Variants in FGD3 observed in about 807,000 individuals in gnomAD.
FGD3 encodes FYVE, RhoGEF and PH domain-containing protein 3.
A neutral mutation model predicts 71.8 loss-of-function variants in FGD3; 45 were observed. The ratio of observed to expected loss-of-function variants is 0.63; its 90% confidence interval spans 0.49 to 0.80. The LOEUF (loss-of-function observed/expected upper bound fraction) is 0.80, where lower values mean the gene tolerates loss of function less well. Among genes scored for constraint, FGD3 ranks in the 30% least tolerant of loss-of-function variants. The pLI, the probability that FGD3 is intolerant of heterozygous loss-of-function variation, is 0.00. For missense variants in FGD3, 844 were observed against 951.5 expected (o/e 0.89, Z 1.49); for synonymous variants, 378 against 392.8 (o/e 0.96, Z 0.44).
At chr9:93,032,635 C>T (rs1862397654) in intron 15 of FGD3, 134 bp from the exon 16 acceptor site, 2 of 841,786 alleles carry the variant, frequency 2.4e-6, no homozygotes, top group Non-Finnish European at 3.9e-6. Context: ...AGCTCTTATC[C>T]CTCGCCACAC....
chr9:93,026,338 C>T (rs991693845), intron 14 of FGD3, among the ~76,000 whole-genome samples: 1 of 152,174 alleles, frequency 6.6e-6, no homozygotes, highest in African/African-American at 2.4e-5. Context: ...CCTGAGCTCC[C>T]TTTTTTGGGT....
chr9:93,020,373 T>C lies in FGD3; in HGVS notation c.1443T>C (p.Phe481=), dbSNP rs188283556. 1.3e-4 allele frequency: 209 copies of C among 1,613,278 alleles called. 1 individual carries two copies. In the African/African-American group the frequency reaches 2.6e-3, roughly 20 times the overall value. The change falls in exon 13 of 18, where the codon TTT becomes TTC. Residue 481 remains phenylalanine, a synonymous_variant. Transcript: ENST00000375482. ...AGAACAGCGAAACCTTCAAGGCTTTTGGTGGCGCCTTCAGCCAGGATGAGG... is the reference window on the plus strand; with the variant it reads ...AGAACAGCGAAACCTTCAAGGCTTTCGGTGGCGCCTTCAGCCAGGATGAGG... ...HKQNSETFKA[F]GGAFSQDEDP... is the part of the protein sequence containing the mutation.
At chr9:92,982,950 G>A (rs1486099651) in intron 3 of FGD3, among the ~76,000 whole-genome samples, 1 of 152,094 alleles carries the variant, frequency 6.6e-6, no homozygotes, top group Non-Finnish European at 1.5e-5. Flanking sequence ...GCTGGGCATG[G>A]TGGTGCTTGC....
At chr9:92,981,742 A>G (rs953463331) in intron 3 of FGD3, among the ~76,000 whole-genome samples, 5 of 152,190 alleles carry the variant, frequency 3.3e-5, no homozygotes, top group Admixed American at 1.3e-4. Context: ...ATAAATATTT[A>G]TAACTGTCAC....
intron 8 of FGD3, among the ~76,000 whole-genome samples, chr9:93,013,364 C>A (rs551731872): frequency 6.6e-6 from 1 of 152,220 alleles, no homozygotes; most frequent in African/African-American, 2.4e-5. Flanking sequence ...GCTACACTGG[C>A]GTCTGGCTCA....
At chr9:93,012,697 G>GGGGT (rs1861474066) in intron 8 of FGD3, among the ~76,000 whole-genome samples, 2 of 136,664 alleles carry the variant, frequency 1.5e-5, no homozygotes, top group African/African-American at 3.0e-5. Flanking sequence ...CGGGGTGTGG[G>GGGGT]GGGGGGAAGA....
At chr9:93,030,719 A>AG (rs113582020) in intron 15 of FGD3, among the ~76,000 whole-genome samples, 553 of 6,636 alleles carry the variant, frequency 0.083, 3 homozygotes, top group Non-Finnish European at 0.12. Flanking sequence ...GGGGGGCAGC[A>AG]GGGGGGGGGG....
Position 92,997,998 on chromosome 9 carries a change from G to A in FGD3, c.454-4927G>A, listed in dbSNP as rs977251341. On this transcript the variant is annotated intron_variant, in intron 3 of 17. Coordinates refer to ENST00000375482, the MANE Select transcript of FGD3 (RefSeq NM_001083536.2). ...CTTTGTGGCATTCTCTGTATTTCCT[G>A]AATTTGAATGTTGGCCTGCCTCACT... Among the ~76,000 whole-genome samples the A allele has an allele frequency of 1.0e-3, 153 of 152,102 alleles. 11 individuals are homozygous for A. The highest frequency in any genetic ancestry group is 8.8e-5 in the Non-Finnish European group (6 of 68,026).
At chr9:93,020,757 TG>T (rs1476416024) in intron 13 of FGD3, among the ~76,000 whole-genome samples, 1 of 152,172 alleles carries the variant, frequency 6.6e-6, no homozygotes, top group African/African-American at 2.4e-5. Flanking sequence ...CAGAAACAGC[TG>T]GGTTGGTTAC....
chr9:93,013,876 G>T lies in FGD3; in HGVS notation c.1060G>T (p.Val354Leu). The change falls in exon 9 of 18, where the codon GTG (valine) becomes TTG (leucine). Residue 354 changes from valine (V) to leucine (L), a missense_variant. Val to Leu is a conservative substitution (Grantham distance 32). Coordinates refer to ENST00000375482, the MANE Select transcript of FGD3 (RefSeq NM_001083536.2). ...KVEKMHKLLEVYEQLGGEEDI... is the reference protein window; with the variant it reads ...KVEKMHKLLELYEQLGGEEDI... ...GGAGAAAATGCACAAGCTCTTGGAG[G>T]TGTACGAGCAGCTGGGTGGGGAAGA... 1 of 1,612,836 alleles carries T rather than the reference G, an allele frequency of 6.2e-7. No individual in the cohort carries two copies. Among genetic ancestry groups the T allele is most frequent in the South Asian group, 1.1e-5 (1 of 90,692 alleles).
rs869235976 is a variant in FGD3, at chr9:93,028,995, G to GTTTTT, written c.1558-841_1558-837dup. Among the ~76,000 whole-genome samples, 101 of 51,748 alleles carry GTTTTT rather than the reference G, an allele frequency of 2.0e-3. 24 individuals carry two copies. The highest frequency in any genetic ancestry group is 3.0e-3 in the Non-Finnish European group (82 of 27,378). The allele number at this position is 51,748 out of a possible 152,430, so 33.9% of individuals were successfully genotyped here. ...CATGGCTTCCTCACATGTCCTCACA[G>GTTTTT]TTTTTTTTTTTTTTTTTTTTTTTTT... On this transcript the variant is annotated intron_variant, in intron 14 of 17. Transcript: ENST00000375482.
intron 3 of FGD3, among the ~76,000 whole-genome samples, chr9:92,982,798 C>T (rs1259355763): frequency 6.6e-6 from 1 of 152,128 alleles, no homozygotes; most frequent in African/African-American, 2.4e-5. Flanking sequence ...ATAAAAACCA[C>T]CTTTTGGCCA....
chr9:92,960,560 C>A (rs1425614365), intron 1 of FGD3, among the ~76,000 whole-genome samples: 2 of 152,152 alleles, frequency 1.3e-5, no homozygotes, highest in African/African-American at 4.8e-5. Flanking sequence ...TCCCCCACAG[C>A]GGATAAACTG....
At chr9:92,977,785 C>T (rs559011170) in intron 3 of FGD3, among the ~76,000 whole-genome samples, 3 of 152,078 alleles carry the variant, frequency 2.0e-5, no homozygotes, top group Non-Finnish European at 2.9e-5. Context: ...GTGGTTTCTG[C>T]GGGAAACTTG....
intron 3 of FGD3, among the ~76,000 whole-genome samples, chr9:92,986,008 C>G (rs1399152739): frequency 6.6e-6 from 1 of 152,180 alleles, no homozygotes; most frequent in Non-Finnish European, 1.5e-5. Context: ...ACTGTGTACC[C>G]TTAACCTTGG....
intron 1 of FGD3, among the ~76,000 whole-genome samples, chr9:92,959,478 T>C (rs1859128790): frequency 6.6e-6 from 1 of 151,608 alleles, no homozygotes. Flanking sequence ...AGGGCTGAGG[T>C]AGAAGGATCG....
intron 1 of FGD3, among the ~76,000 whole-genome samples, chr9:92,948,703 A>G (rs113827280): frequency 0.019 from 2,878 of 152,282 alleles, 104 homozygotes; most frequent in African/African-American, 0.065. Context: ...CCTCTTTTTC[A>G]TATTGTGCAG....
intron 3 of FGD3, among the ~76,000 whole-genome samples, chr9:92,985,156 G>A (rs1432168065): frequency 1.3e-5 from 2 of 152,242 alleles, no homozygotes; most frequent in Non-Finnish European, 2.9e-5. Context: ...TTGTCCCACT[G>A]GGGCAGTTTG....
At chr9:92,971,339 A>T (rs1341394179) in intron 1 of FGD3, among the ~76,000 whole-genome samples, 1 of 151,982 alleles carries the variant, frequency 6.6e-6, no homozygotes, top group Non-Finnish European at 1.5e-5. Flanking sequence ...AGGGCCTCCG[A>T]TGAGCACAGT....
Sources: gnomAD v4.1 joint callset for allele counts (sites outside exome capture counted in the v4.1 genomes callset) on GRCh38, gnomAD v4.1.1 for gene constraint, MANE v1.5 for transcripts, NCBI Gene and HGNC (gene_info 2026-07-23, HGNC 2026-07-21) for gene names.